Variants in DTNA observed in about 807,000 individuals in gnomAD.
The protein encoded by DTNA is dystrophin-related protein 3.
Under a neutral mutation model 100.7 loss-of-function variants are expected in DTNA, and 43 were observed. That is an observed-to-expected ratio of 0.43 (90% CI 0.33 to 0.55). The LOEUF (loss-of-function observed/expected upper bound fraction) is 0.55. DTNA is among the 20% of genes least tolerant of loss of function. The pLI is 0.04. For synonymous variants in DTNA, 349 were observed against 347.9 expected, an observed-to-expected ratio of 1.00 and a Z score of -0.04; for missense variants, 798 against 953.9, an observed-to-expected ratio of 0.84 and a Z score of 2.15.
At chr18:34,570,695 T>A (rs930006936) in intron 1 of DTNA, among the ~76,000 whole-genome samples, 5 of 152,294 alleles carry the variant, frequency 3.3e-5, no homozygotes, top group African/African-American at 9.6e-5. Flanking sequence ...CACAAAATAC[T>A]GGTGGTAGGA....
rs1372991085 is a variant in DTNA, at chr18:34,866,745, CT to C, written c.1743+2688del. On this transcript the variant is annotated intron_variant, in intron 17 of 22. Coordinates refer to ENST00000444659, the MANE Select transcript of DTNA (RefSeq NM_001386795.1). Reference sequence around the variant, plus strand: ...CCATAACTGACTATTCACGTCCCATCTTTTTGGCTCTTCCCCAAAGCAGAAT... The same window carrying C: ...CCATAACTGACTATTCACGTCCCATCTTTTGGCTCTTCCCCAAAGCAGAAT... The C allele has an allele frequency of 5.1e-6, 5 of 989,584 alleles. No homozygotes were observed. In the African/African-American group the frequency reaches 8.7e-5, roughly 17 times the overall value. 61.3% of individuals were successfully genotyped at this position (989,584 alleles called of 1,614,324 possible).
intron 17 of DTNA, chr18:34,867,861 G>C (rs927611773): frequency 9.1e-6 from 9 of 985,352 alleles, no homozygotes; most frequent in Non-Finnish European, 1.1e-5. Flanking sequence ...GCATCTCAGG[G>C]GGCCAACAGC....
intron 22 of DTNA, among the ~76,000 whole-genome samples, chr18:34,886,763 C>A (rs1001396771): frequency 6.6e-6 from 1 of 152,188 alleles, no homozygotes; most frequent in Admixed American, 6.5e-5. Context: ...GAACTCTGAA[C>A]AAGAACCAGC....
intron 1 of DTNA, among the ~76,000 whole-genome samples, chr18:34,537,922 CATT>C (rs2043874962): frequency 6.6e-6 from 1 of 151,672 alleles, no homozygotes; most frequent in Admixed American, 6.6e-5. Flanking sequence ...ACTTTAAAAT[CATT>C]AGAGGGAAAA....
intron 1 of DTNA, among the ~76,000 whole-genome samples, chr18:34,569,136 A>G (rs986742776): frequency 6.6e-6 from 1 of 152,178 alleles, no homozygotes; most frequent in Non-Finnish European, 1.5e-5. Context: ...CATTGGATTC[A>G]GCCCATCTAG....
Position 34,549,395 on chromosome 18 carries a change from AAATC to A in DTNA, c.-2+55884_-2+55887del, listed in dbSNP as rs933397065. Among the ~76,000 whole-genome samples the A allele has an allele frequency of 2.6e-5, 4 of 152,216 alleles. No individual in the cohort carries two copies. In the East Asian group the frequency reaches 5.8e-4, roughly 22 times the overall value. On this transcript the variant is annotated intron_variant, in intron 1 of 19. Coordinates refer to the DTNA transcript ENST00000283365. ...GGAAAATATCAAGTGATTAAAAAGA[AAATC>A]AAAGCCTGTGCTTTGATTTAAAGGC... is the stretch of plus-strand genomic sequence containing the variant.
intron 1 of DTNA, among the ~76,000 whole-genome samples, chr18:34,509,036 G>A (rs2040774516): frequency 6.6e-6 from 1 of 152,088 alleles, no homozygotes; most frequent in Admixed American, 6.6e-5. Context: ...TTTCATTTGT[G>A]CATTCAATTT....
chr18:34,754,244 T>G (rs2092615813), intron 1 of DTNA, among the ~76,000 whole-genome samples: 1 of 152,164 alleles, frequency 6.6e-6, no homozygotes, highest in South Asian at 2.1e-4. Flanking sequence ...TTTTTTTAAT[T>G]TTACCCTCAG....
chr18:34,661,598 C>T (rs193213876), intron 1 of DTNA, among the ~76,000 whole-genome samples: 1 of 152,100 alleles, frequency 6.6e-6, no homozygotes, highest in African/African-American at 2.4e-5. Flanking sequence ...TTTAATCAGA[C>T]AAAGGATGAG....
intron 16 of DTNA, 66 bp downstream of exon 16, chr18:34,858,464 A>G: frequency 6.5e-7 from 1 of 1,544,016 alleles, no homozygotes; most frequent in Non-Finnish European, 8.9e-7. Context: ...AAAGTCTAGC[A>G]GTGTCTAGCC....
chr18:34,784,812 T>C (rs1477822344), intron 3 of DTNA, among the ~76,000 whole-genome samples: 1 of 152,230 alleles, frequency 6.6e-6, no homozygotes, highest in Non-Finnish European at 1.5e-5. Flanking sequence ...GAAACTATTA[T>C]GGAATCTAGC....
At chr18:34,817,511 G>C (rs1474395547) in intron 7 of DTNA, among the ~76,000 whole-genome samples, 3 of 151,740 alleles carry the variant, frequency 2.0e-5, no homozygotes, top group Non-Finnish European at 4.4e-5. Context: ...TGAGGCATTT[G>C]AATTATTTAG....
chr18:34,773,693 C>T (rs2093899671), intron 3 of DTNA, among the ~76,000 whole-genome samples: 1 of 152,176 alleles, frequency 6.6e-6, no homozygotes, highest in Non-Finnish European at 1.5e-5. Flanking sequence ...ATAAACAAAC[C>T]TATTAAAGAT....
Position 34,650,136 on chromosome 18 carries a change from G to A in DTNA, c.-1-105840G>A, listed in dbSNP as rs551021523. Among the ~76,000 whole-genome samples the A allele has an allele frequency of 2.9e-3, 444 of 152,164 alleles. 1 individual carries two copies. Among genetic ancestry groups the A allele is most frequent in the Non-Finnish European group, 4.5e-3 (304 of 67,996 alleles). ...ACTTAAATTTGTTTCAAGTTTCTCC[G>A]TTGCACGGATCAGCCAAGCAGATCT... On this transcript the variant is annotated intron_variant, in intron 1 of 19. Coordinates refer to the DTNA transcript ENST00000283365.
intron 1 of DTNA, among the ~76,000 whole-genome samples, chr18:34,561,590 G>C (rs2146233415): frequency 6.6e-6 from 1 of 152,004 alleles, no homozygotes; most frequent in South Asian, 2.1e-4. Context: ...GGTTGGGCAT[G>C]GTGGCTCATT....
intron 4 of DTNA, among the ~76,000 whole-genome samples, chr18:34,797,173 T>C (rs1486766112): frequency 6.6e-6 from 1 of 152,102 alleles, no homozygotes; most frequent in Non-Finnish European, 1.5e-5. Context: ...GTCCAGAAGA[T>C]TTTTGTTTTT....
At chr18:34,818,458 C>T (rs1447341357) in intron 8 of DTNA, 128 bp downstream of exon 8, 2 of 1,538,158 alleles carry the variant, frequency 1.3e-6, no homozygotes, top group Non-Finnish European at 1.7e-6. Context: ...AGTATTCAGT[C>T]CCCCTTCCTC....
At chr18:34,736,878 G>A (rs2089709753) in intron 1 of DTNA, among the ~76,000 whole-genome samples, 1 of 152,022 alleles carries the variant, frequency 6.6e-6, no homozygotes. Flanking sequence ...ACAAAACCTG[G>A]GGGATAACTT....
intron 13 of DTNA, among the ~76,000 whole-genome samples, chr18:34,842,036 C>T (rs980232702): frequency 3.3e-5 from 5 of 152,098 alleles, no homozygotes; most frequent in African/African-American, 1.2e-4. Flanking sequence ...AATTTGTATG[C>T]ACCTTCCTCA....
Sources: gnomAD v4.1 joint callset for allele counts (sites outside exome capture counted in the v4.1 genomes callset) on GRCh38, gnomAD v4.1.1 for gene constraint, MANE v1.5 for transcripts, NCBI Gene and HGNC (gene_info 2026-07-23, HGNC 2026-07-21) for gene names.